The following RYR3 variants were observed in gnomAD, a reference collection of about 807,000 sequenced individuals.
RYR3 encodes ryanodine receptor 3.
RYR3 carries 207 observed loss-of-function variants against 584.3 expected under a neutral mutation model. That is an observed-to-expected ratio of 0.35 (90% CI 0.32 to 0.40). The LOEUF (loss-of-function observed/expected upper bound fraction) is 0.40, where lower values mean the gene tolerates loss of function less well. Ranked by LOEUF, RYR3 falls within the 10% of genes least tolerant of loss-of-function variation. RYR3 has a pLI of 1.00. For synonymous variants in RYR3, 2,416 were observed against 2,248.5 expected, an observed-to-expected ratio of 1.07 and a Z score of -2.11; for missense variants, 5,616 against 6,089.2, an observed-to-expected ratio of 0.92 and a Z score of 2.59.
At chr15:33,547,470 A>T (rs2056333310) in intron 8 of RYR3, among the ~76,000 whole-genome samples, 1 of 152,220 alleles carries the variant, frequency 6.6e-6, no homozygotes, top group South Asian at 2.1e-4. Flanking sequence ...TAGGATGATA[A>T]CATTGGGAGA....
chr15:33,524,103 T>G (rs1263155663), intron 3 of RYR3, among the ~76,000 whole-genome samples: 3 of 152,170 alleles, frequency 2.0e-5, no homozygotes, highest in Non-Finnish European at 2.9e-5. Context: ...CGTACCATGT[T>G]GTTGCACTAC....
intron 43 of RYR3, among the ~76,000 whole-genome samples, chr15:33,718,768 C>G (rs1347938233): frequency 1.3e-5 from 2 of 152,148 alleles, no homozygotes; most frequent in African/African-American, 4.8e-5. Flanking sequence ...AGAATCATTT[C>G]CATTTCCATC....
At chr15:33,566,900 T>C in intron 12 of RYR3, 101 bp downstream of exon 12, 2 of 1,296,348 alleles carry the variant, frequency 1.5e-6, no homozygotes, top group Non-Finnish European at 2.2e-6. Context: ...TTTCAGGAAA[T>C]AATGATACAC....
At chr15:33,676,573 G>T (rs1849521712) in intron 38 of RYR3, among the ~76,000 whole-genome samples, 1 of 152,218 alleles carries the variant, frequency 6.6e-6, no homozygotes, top group Non-Finnish European at 1.5e-5. Flanking sequence ...AGTGCATAAT[G>T]GACATGCAGA....
chr15:33,577,083 G>A (rs2058337770), intron 12 of RYR3, among the ~76,000 whole-genome samples: 1 of 152,100 alleles, frequency 6.6e-6, no homozygotes, highest in South Asian at 2.1e-4. Flanking sequence ...CTTCTTCAAG[G>A]AGAACTTAAA....
chr15:33,672,164 G>A (rs1041768357), intron 38 of RYR3, among the ~76,000 whole-genome samples: 3 of 151,942 alleles, frequency 2.0e-5, no homozygotes, highest in Non-Finnish European at 2.9e-5. Context: ...GCGGGGGGTG[G>A]GGTCCCACCA....
At chr15:33,495,240 G>T (rs879603143) in intron 2 of RYR3, among the ~76,000 whole-genome samples, 1 of 152,142 alleles carries the variant, frequency 6.6e-6, no homozygotes, top group African/African-American at 2.4e-5. Context: ...TTCATTTAAG[G>T]CATAAGAGTT....
chr15:33,788,748 G>T (rs2074902962), intron 67 of RYR3, among the ~76,000 whole-genome samples: 1 of 152,178 alleles, frequency 6.6e-6, no homozygotes, highest in African/African-American at 2.4e-5. Flanking sequence ...ACCCACTTCT[G>T]CCCCTCTGCT....
chr15:33,337,934 A>ATTTTTTTTTTTTTTTT (rs199625940), intron 1 of RYR3, among the ~76,000 whole-genome samples: 3 of 113,602 alleles, frequency 2.6e-5, no homozygotes, highest in Non-Finnish European at 5.2e-5. Context: ...ATTTTAGGAG[A>ATTTTTTTTTTTTTTTT]TTTTTTTTTT....
intron 1 of RYR3, among the ~76,000 whole-genome samples, chr15:33,379,809 A>G (rs1045489486): frequency 6.6e-6 from 1 of 151,848 alleles, no homozygotes; most frequent in Admixed American, 6.6e-5. Context: ...GGCTCAGTCC[A>G]TGTTCGAAAG....
chr15:33,553,161 A>G (rs754822138), intron 10 of RYR3, among the ~76,000 whole-genome samples: 1 of 152,156 alleles, frequency 6.6e-6, no homozygotes, highest in Non-Finnish European at 1.5e-5. Context: ...GAAGCAGGGT[A>G]TTCATCTGAT....
At chr15:33,494,056 A>G (rs921021746) in intron 2 of RYR3, among the ~76,000 whole-genome samples, 1 of 151,996 alleles carries the variant, frequency 6.6e-6, no homozygotes, top group Non-Finnish European at 1.5e-5. Context: ...TAATAGCTAT[A>G]TATCTGGGCC....
chr15:33,409,198 G>A (rs1350669320), intron 1 of RYR3, among the ~76,000 whole-genome samples: 1 of 151,978 alleles, frequency 6.6e-6, no homozygotes, highest in Non-Finnish European at 1.5e-5. Context: ...TAAGAAATAG[G>A]CCTTCTTTAA....
chr15:33,585,114 A>G (rs939866029), intron 15 of RYR3, among the ~76,000 whole-genome samples: 7 of 152,012 alleles, frequency 4.6e-5, no homozygotes, highest in African/African-American at 1.7e-4. Flanking sequence ...CTCAAGGGGA[A>G]GCTGAAGGGT....
chr15:33,434,470 A>C (rs2045480240), intron 1 of RYR3, among the ~76,000 whole-genome samples: 1 of 152,210 alleles, frequency 6.6e-6, no homozygotes, highest in African/African-American at 2.4e-5. Context: ...CCACATGTCT[A>C]AAACTTATCT....
intron 1 of RYR3, among the ~76,000 whole-genome samples, chr15:33,424,479 A>T (rs913247635): frequency 6.6e-6 from 1 of 152,216 alleles, no homozygotes; most frequent in Admixed American, 6.5e-5. Context: ...ACTTTGTAAG[A>T]GGCCCTTTGC....
In RYR3 at chr15:33,742,405, G is replaced by A. The variant is rs2070237950; in HGVS notation, c.7860G>A (p.Lys2620=). 6.2e-7 allele frequency: 1 copy of A among 1,613,306 alleles called. No individual in the cohort carries two copies. The highest frequency in any genetic ancestry group is 1.3e-5 in the African/African-American group (1 of 75,032). ...LPEKLEYIVT[K]YAEHSHDKWA... is the part of the protein sequence containing the mutation. ...AAAAATTGGAATACATCGTCACCAA[G>A]TATGCTGAGCATTCACATGATAAAT... The change falls in exon 52 of 104, where the codon AAG becomes AAA. Residue 2620 remains lysine, a synonymous_variant. Coordinates refer to ENST00000634891, the MANE Select transcript of RYR3 (RefSeq NM_001036.6).
chr15:33,313,146 A>G (rs1967594720), intron 1 of RYR3, among the ~76,000 whole-genome samples: 1 of 152,102 alleles, frequency 6.6e-6, no homozygotes, highest in Non-Finnish European at 1.5e-5. Context: ...CACCTTATGT[A>G]TTTTTTAAGG....
intron 1 of RYR3, among the ~76,000 whole-genome samples, chr15:33,410,695 G>T (rs2043339739): frequency 6.6e-6 from 1 of 152,212 alleles, no homozygotes; most frequent in Admixed American, 6.5e-5. Context: ...GATATGAGTG[G>T]CATGGGCCCC....
Sources: gnomAD v4.1 joint callset for allele counts (sites outside exome capture counted in the v4.1 genomes callset) on GRCh38, gnomAD v4.1.1 for gene constraint, MANE v1.5 for transcripts, NCBI Gene and HGNC (gene_info 2026-07-23, HGNC 2026-07-21) for gene names.